BTBD2: variants seen among roughly 807,000 people sequenced by gnomAD.
BTBD2 encodes the protein BTB/POZ domain-containing protein 2.
Under a neutral mutation model 44.0 loss-of-function variants are expected in BTBD2, and 15 were observed. The ratio of observed to expected loss-of-function variants is 0.34; its 90% CI spans 0.23 to 0.53. The LOEUF (loss-of-function observed/expected upper bound fraction) is 0.53, where lower values mean the gene tolerates loss of function less well. Among genes scored for constraint, BTBD2 ranks in the 20% least tolerant of loss-of-function variants. The pLI is 0.95. For missense variants in BTBD2, 657 were observed against 746.4 expected, an observed-to-expected ratio of 0.88 and a Z score of 1.39; for synonymous variants, 443 against 335.9, an observed-to-expected ratio of 1.32 and a Z score of -3.49.
chr19:2,001,440 T>G (rs1036906473), intron 1 of BTBD2, among the ~76,000 whole-genome samples: 7 of 151,900 alleles, frequency 4.6e-5, no homozygotes, highest in Admixed American at 2.0e-4. Flanking sequence ...CGCAGTGAGC[T>G]GAGATCGTAC....
At chr19:1,992,963 C>CGGCCCCGCCTCCAGCCAGGCCT (rs2016200711) in intron 3 of BTBD2, 57 bp downstream of exon 3, 3 of 972,578 alleles carry the variant, frequency 3.1e-6, no homozygotes, top group Non-Finnish European at 4.2e-6. Context: ...CGCCCCACCC[C>CGGCCCCGCCTCCAGCCAGGCCT]GGCCCCGCCT....
rs1306008623 is a variant in BTBD2 at position 2,015,677 on chromosome 19, A to C, written c.27T>G (p.Arg9=). The C allele has an allele frequency of 2.1e-6, 2 of 971,012 alleles. No homozygotes were observed. Among genetic ancestry groups the C allele is most frequent in the Non-Finnish European group, 2.4e-6 (2 of 828,554 alleles). 60.1% of individuals were successfully genotyped at this position (971,012 alleles called of 1,614,324 possible). A position where few individuals can be genotyped will look rare whatever the true frequency, so the allele number is the denominator to read the frequency against. MAAGGSGG[R]ASCPPGVGVG... is the part of the protein sequence containing the mutation. ...CCCCGACCCCCGGCGGGCACGACGCACGCCCGCCGCTCCCACCCGCCGCCA... is the reference window on the plus strand; with the variant it reads ...CCCCGACCCCCGGCGGGCACGACGCCCGCCCGCCGCTCCCACCCGCCGCCA... Residue 9 remains arginine (R), a synonymous_variant, in exon 1 of 9, where the codon CGT becomes CGG. Coordinates refer to ENST00000255608, the MANE Select transcript of BTBD2 (RefSeq NM_017797.4).
rs1236871047 is a variant in BTBD2 at position 1,990,039 on chromosome 19, C to T, written c.953G>A (p.Arg318His). The change falls in exon 5 of 9, where the codon CGC becomes CAC. Residue 318 changes from arginine (R) to histidine (H), a missense_variant. By Grantham distance (29) the Arg-to-His change is conservative. Transcript: ENST00000255608. ...KVLGKALGLIRFPLMTIEEFA... is the reference protein window; with the variant it reads ...KVLGKALGLIHFPLMTIEEFA... ...CTCCTCGATGGTCATGAGCGGGAAGCGAATGAGGCCCAGGGCCTTGCCCAG... is the reference window on the plus strand; with the variant it reads ...CTCCTCGATGGTCATGAGCGGGAAGTGAATGAGGCCCAGGGCCTTGCCCAG... 7 of 1,613,202 alleles carry T rather than the reference C, an allele frequency of 4.3e-6. No individual in the cohort carries two copies. The highest frequency in any genetic ancestry group is 2.2e-5 in the East Asian group (1 of 44,900).
At chr19:2,010,929 C>T (rs1373016536) in intron 1 of BTBD2, among the ~76,000 whole-genome samples, 2 of 152,186 alleles carry the variant, frequency 1.3e-5, no homozygotes, top group Non-Finnish European at 2.9e-5. Flanking sequence ...TGAGCCACTG[C>T]GCCCGGCCTC....
In BTBD2 at chr19:2,000,391, G is replaced by T. The variant is rs374833535; in HGVS notation, c.408-2928C>A. On this transcript the variant is annotated intron_variant, in intron 1 of 8. Transcript: ENST00000255608. The stretch of plus-strand genomic sequence containing the variant: ...CTTTCTTGATTTAAAAATGTATCTT[G>T]GTCTCCTGTGGGGAAAACCTTTGAG... 6.6e-4 allele frequency among the ~76,000 whole-genome samples: 101 copies of T among 152,354 alleles called. 2 individuals are homozygous for T. In the South Asian group the frequency reaches 0.021, roughly 31 times the overall value.
At chr19:1,990,433 A>G (rs761919170) in intron 4 of BTBD2, 8 of 617,332 alleles carry the variant, frequency 1.3e-5, no homozygotes, top group African/African-American at 3.7e-5. Flanking sequence ...AGACTTGAGT[A>G]GCTTTGACAA....
intron 2 of BTBD2, among the ~76,000 whole-genome samples, chr19:1,994,508 C>A (rs1041563398): frequency 6.6e-6 from 1 of 151,904 alleles, no homozygotes; most frequent in Middle Eastern, 3.2e-3. Context: ...GGCCTGTAAT[C>A]CCAGCACTTT....
intron 1 of BTBD2, among the ~76,000 whole-genome samples, chr19:2,008,589 C>CTTTTTTTTTTTTTTT (rs34228593): frequency 6.3e-5 from 8 of 126,598 alleles, no homozygotes; most frequent in African/African-American, 2.5e-4. Context: ...CTGTGCCCAG[C>CTTTTTTTTTTTTTTT]TTTTTTTTTT....
chr19:1,989,963 ACTCCC>A (rs767692222), intron 5 of BTBD2, 36 bp downstream of exon 5: 32 of 1,606,410 alleles, frequency 2.0e-5, no homozygotes, highest in Non-Finnish European at 2.6e-5. Flanking sequence ...CCTGTGTGCC[ACTCCC>A]CTCCCAAACC....
In BTBD2 at chr19:1,986,375, G is replaced by A. The variant is rs565496172; in HGVS notation, c.*113C>T. Reference sequence around the variant, plus strand: ...GAAAGGTGGCATGGAGTGGACAGACGGCCTGGGGGACACTGGGCCTGGCAC... The same window carrying A: ...GAAAGGTGGCATGGAGTGGACAGACAGCCTGGGGGACACTGGGCCTGGCAC... On this transcript the variant is annotated 3_prime_UTR_variant, in exon 9 of 9. Transcript: ENST00000255608. 2.3e-5 allele frequency: 31 copies of A among 1,329,554 alleles called. No individual in the cohort carries two copies. The highest frequency in any genetic ancestry group is 2.1e-4 in the Middle Eastern group (1 of 4,656). The allele number at this position is 1,329,554 out of a possible 1,614,324, so 82.4% of individuals were successfully genotyped here. A position where few individuals can be genotyped will look rare whatever the true frequency, so the allele number is the denominator to read the frequency against.
At position 1,999,813 on chromosome 19, in the gene BTBD2, T is replaced by G. The variant is rs796981608; in HGVS notation, c.408-2350A>C. Reference sequence around the variant, plus strand: ...CCCGTCTCTACTAAAAATACAAAAATTAGCTGGGCGTGGTGGTGGGTGCCT... The same window carrying G: ...CCCGTCTCTACTAAAAATACAAAAAGTAGCTGGGCGTGGTGGTGGGTGCCT... On this transcript the variant is annotated intron_variant, in intron 1 of 8. Transcript: ENST00000255608. 4.0e-5 allele frequency among the ~76,000 whole-genome samples: 6 copies of G among 151,354 alleles called. 2 individuals carry two copies. Among genetic ancestry groups the G allele is most frequent in the African/African-American group, 1.5e-4 (6 of 41,252 alleles).
intron 1 of BTBD2, among the ~76,000 whole-genome samples, chr19:2,011,948 G>C (rs58851629): frequency 1.3e-5 from 2 of 151,790 alleles, no homozygotes; most frequent in Admixed American, 6.6e-5. Context: ...TCCGCCTCCC[G>C]GGTTCAAGTG....
chr19:1,997,379 G>A lies in BTBD2; in HGVS notation c.492C>T (p.Pro164=), dbSNP rs749593700. 82 of 1,614,022 alleles carry A rather than the reference G, an allele frequency of 5.1e-5. No individual in the cohort carries two copies. Among genetic ancestry groups the A allele is most frequent in the Middle Eastern group, 1.6e-4 (1 of 6,084 alleles). Residue 164 remains proline, a synonymous_variant, in exon 2 of 9, where the codon CCC becomes CCT. Coordinates refer to ENST00000255608, the MANE Select transcript of BTBD2 (RefSeq NM_017797.4). Reference sequence around the variant, plus strand: ...CGAGGAAGGCAGCGGGTTCCACGTCGGGCAGCTCAATCTCCGTGGATGTTG... The same window carrying A: ...CGAGGAAGGCAGCGGGTTCCACGTCAGGCAGCTCAATCTCCGTGGATGTTG... ...MATTSTEIEL[P]DVEPAAFLAL...
chr19:1,990,771 C>G lies in BTBD2; in HGVS notation c.736G>C (p.Asp246His). 1.2e-6 allele frequency: 2 copies of G among 1,601,076 alleles called. No homozygotes were observed. Among genetic ancestry groups the G allele is most frequent in the Non-Finnish European group, 1.7e-6 (2 of 1,174,468 alleles). Residue 246 changes from aspartate to histidine, a missense_variant, in exon 4 of 9, where the codon GAC (aspartate) becomes CAC (histidine). Transcript: ENST00000255608. ...QLASLCLENI[D>H]KNTADAITAE... ...GTGATGGCGTCTGCAGTGTTTTTGT[C>G]GATGTTCTCCAGGCACAGGCTGGCC...
intron 1 of BTBD2, chr19:2,002,821 G>A (rs1426672389): frequency 6.7e-6 from 1 of 150,030 alleles, no homozygotes; most frequent in Admixed American, 6.7e-5. Flanking sequence ...AGCTTGCAGT[G>A]AGCTGAGATT....
rs577597760 is a variant in BTBD2 at position 1,997,367 on chromosome 19, G to C, written c.504C>G (p.Pro168=). ...STEIELPDVE[P]AAFLALLKFL... is the part of the protein sequence containing the mutation. ...ACTTGAGCAGTGCGAGGAAGGCAGC[G>C]GGTTCCACGTCGGGCAGCTCAATCT... Residue 168 remains proline, a synonymous_variant, in exon 2 of 9, where the codon CCC becomes CCG. Coordinates refer to ENST00000255608, the MANE Select transcript of BTBD2 (RefSeq NM_017797.4). 2 of 1,614,032 alleles carry C rather than the reference G, an allele frequency of 1.2e-6. No individual in the cohort carries two copies. The highest frequency in any genetic ancestry group is 1.7e-6 in the Non-Finnish European group (2 of 1,180,034).
At chr19:2,000,328 G>C (rs35444394) in intron 1 of BTBD2, among the ~76,000 whole-genome samples, 1 of 152,076 alleles carries the variant, frequency 6.6e-6, no homozygotes, top group Non-Finnish European at 1.5e-5. Flanking sequence ...CCTCCCACAC[G>C]ATGTTCCAGA....
chr19:1,988,434 G>A (rs1035002079), intron 5 of BTBD2: 1 of 152,356 alleles, frequency 6.6e-6, no homozygotes, highest in Non-Finnish European at 1.5e-5. Context: ...CAACCAAGGT[G>A]GGCTCAACTC....
chr19:2,005,182 CT>C (rs2016380150), intron 1 of BTBD2, among the ~76,000 whole-genome samples: 1 of 152,170 alleles, frequency 6.6e-6, no homozygotes, highest in South Asian at 2.1e-4. Flanking sequence ...TCTGCACTCA[CT>C]GGCTGGTCTG....
Sources: gnomAD v4.1 joint callset for allele counts (sites outside exome capture counted in the v4.1 genomes callset) on GRCh38, gnomAD v4.1.1 for gene constraint, MANE v1.5 for transcripts, NCBI Gene and HGNC (gene_info 2026-07-23, HGNC 2026-07-21) for gene names.